Variants in PTN observed in about 807,000 individuals in gnomAD.
PTN encodes pleiotrophin, also known as heparin affin regulatory protein.
A neutral mutation model predicts 24.1 loss-of-function variants in PTN; 18 were observed. The observed-to-expected ratio is 0.75, with a 90% CI of 0.52 to 1.11. The LOEUF is 1.11. Ranked by LOEUF, PTN falls within the 50% of genes least tolerant of loss-of-function variation. The pLI is 0.00. For missense variants in PTN, 163 were observed against 198.8 expected (o/e 0.82, Z 1.08); for synonymous variants, 78 against 68.6 (o/e 1.14, Z -0.67).
At chr7:137,241,543 A>G (rs895584243) in intron 4 of PTN, among the ~76,000 whole-genome samples, 1 of 152,150 alleles carries the variant, frequency 6.6e-6, no homozygotes, top group East Asian at 1.9e-4. Flanking sequence ...AAAATACTGC[A>G]TATTTACCAA....
intron 4 of PTN, chr7:137,236,290 G>A: frequency 1.4e-6 from 1 of 701,730 alleles, no homozygotes; most frequent in Non-Finnish European, 2.6e-6. Flanking sequence ...ATCATAAAGG[G>A]CCCATTCAGG....
At chr7:137,268,089 A>G (rs1010989826) in intron 1 of PTN, among the ~76,000 whole-genome samples, 3 of 152,126 alleles carry the variant, frequency 2.0e-5, no homozygotes, top group Non-Finnish European at 4.4e-5. Context: ...CGAGTTTGAG[A>G]CGTCCGGACT....
chr7:137,246,461 G>T (rs759839193), intron 4 of PTN, among the ~76,000 whole-genome samples: 1 of 152,174 alleles, frequency 6.6e-6, no homozygotes, highest in Non-Finnish European at 1.5e-5. Context: ...AGTGACACAT[G>T]ACTGTAATTA....
Position 137,254,841 on chromosome 7 carries a change from C to T in PTN, c.115+18G>A. 1.3e-6 allele frequency: 2 copies of T among 1,506,712 alleles called. No individual in the cohort carries two copies. The highest frequency in any genetic ancestry group is 1.8e-6 in the Non-Finnish European group (2 of 1,104,560). The allele number at this position is 1,506,712 out of a possible 1,614,324, so 93.3% of individuals were successfully genotyped here. ...ATTAATCAATGAAGCATCTTGCCTT[C>T]AGAACCCTACTGCTTACCTGGTTTC... On this transcript the variant is annotated intron_variant, in intron 2 of 4. Coordinates refer to ENST00000348225, the MANE Select transcript of PTN (RefSeq NM_002825.7).
intron 1 of PTN, among the ~76,000 whole-genome samples, chr7:137,296,247 T>A: frequency 6.6e-6 from 1 of 152,220 alleles, no homozygotes; most frequent in South Asian, 2.1e-4. Context: ...ATTGCCATTA[T>A]CATCATTTAT....
At chr7:137,232,794 G>A (rs906753618) in intron 4 of PTN, among the ~76,000 whole-genome samples, 1 of 151,902 alleles carries the variant, frequency 6.6e-6, no homozygotes, top group African/African-American at 2.4e-5. Context: ...GATCATGGCG[G>A]CAGTTTCCCC....
intron 1 of PTN, among the ~76,000 whole-genome samples, chr7:137,333,772 C>G (rs935819520): frequency 1.3e-5 from 2 of 152,160 alleles, no homozygotes; most frequent in South Asian, 2.1e-4. Flanking sequence ...GGAGGCATCA[C>G]GCTACCTGAC....
At chr7:137,242,384 A>ACAGCAG (rs1467052848) in intron 4 of PTN, among the ~76,000 whole-genome samples, 1 of 152,204 alleles carries the variant, frequency 6.6e-6, no homozygotes, top group East Asian at 1.9e-4. Context: ...GGATCTGGTA[A>ACAGCAG]CAGCAGCGTG....
At chr7:137,338,961 T>C (rs1391655561) in intron 1 of PTN, among the ~76,000 whole-genome samples, 1 of 151,724 alleles carries the variant, frequency 6.6e-6, no homozygotes, top group Non-Finnish European at 1.5e-5. Flanking sequence ...CTAAAGCATT[T>C]GGAGAGGAGA....
intron 1 of PTN, among the ~76,000 whole-genome samples, chr7:137,278,966 TA>T (rs1809418474): frequency 6.9e-6 from 1 of 145,638 alleles, no homozygotes; most frequent in South Asian, 2.1e-4. Flanking sequence ...ATAATAATAA[TA>T]ATAATAATAA....
intron 1 of PTN, among the ~76,000 whole-genome samples, chr7:137,337,403 T>G (rs1432946804): frequency 6.6e-6 from 1 of 152,218 alleles, no homozygotes; most frequent in African/African-American, 2.4e-5. Context: ...TAAGCCTGCA[T>G]TTCTGTATCA....
intron 1 of PTN, among the ~76,000 whole-genome samples, chr7:137,329,838 A>G (rs1370355604): frequency 6.6e-6 from 1 of 152,216 alleles, no homozygotes; most frequent in Non-Finnish European, 1.5e-5. Context: ...GGTAAAGTGA[A>G]AGACCTAGAC....
chr7:137,280,170 T>C (rs950916959), intron 1 of PTN, among the ~76,000 whole-genome samples: 1 of 152,158 alleles, frequency 6.6e-6, no homozygotes, highest in Non-Finnish European at 1.5e-5. Flanking sequence ...TCTTAGAAAA[T>C]CTAATTACTT....
intron 1 of PTN, among the ~76,000 whole-genome samples, chr7:137,314,796 T>C (rs1048246367): frequency 6.6e-6 from 1 of 152,034 alleles, no homozygotes; most frequent in Non-Finnish European, 1.5e-5. Flanking sequence ...GCTTTCAACA[T>C]GTTGGCCAGG....
chr7:137,276,085 T>C (rs1809354918), intron 1 of PTN, among the ~76,000 whole-genome samples: 1 of 152,202 alleles, frequency 6.6e-6, no homozygotes, highest in Non-Finnish European at 1.5e-5. Context: ...CTGATCTTGG[T>C]TATGTTTGTG....
intron 1 of PTN, among the ~76,000 whole-genome samples, chr7:137,288,250 A>G (rs1809588120): frequency 6.6e-6 from 1 of 152,204 alleles, no homozygotes; most frequent in African/African-American, 2.4e-5. Flanking sequence ...TGAGTTAATT[A>G]TTTGGACATA....
chr7:137,238,088 ATTATT>A (rs746685438), intron 4 of PTN, among the ~76,000 whole-genome samples: 149 of 152,212 alleles, frequency 9.8e-4, no homozygotes, highest in Non-Finnish European at 1.5e-3. Context: ...AAAAGTCTTT[ATTATT>A]TTATTTTCAT....
intron 4 of PTN, 49 bp downstream of exon 4, chr7:137,251,181 C>G (rs1461472874): frequency 6.3e-7 from 1 of 1,592,496 alleles, no homozygotes; most frequent in East Asian, 2.2e-5. Flanking sequence ...CCAGATCTTA[C>G]CTGAGTCCAT....
intron 4 of PTN, among the ~76,000 whole-genome samples, chr7:137,246,800 AG>A (rs779120266): frequency 2.6e-5 from 4 of 152,210 alleles, no homozygotes; most frequent in Non-Finnish European, 4.4e-5. Context: ...ACCAAGAAGG[AG>A]CATCGTGCAG....
Sources: gnomAD v4.1 joint callset for allele counts (sites outside exome capture counted in the v4.1 genomes callset) on GRCh38, gnomAD v4.1.1 for gene constraint, MANE v1.5 for transcripts, NCBI Gene and HGNC (gene_info 2026-07-23, HGNC 2026-07-21) for gene names.